The following MPPED2 variants were observed in gnomAD, a reference collection of about 807,000 sequenced individuals.
MPPED2 encodes metallophosphoesterase MPPED2.
MPPED2 carries 5 observed loss-of-function variants against 33.0 expected under a neutral mutation model. The ratio of observed to expected loss-of-function variants is 0.15; its 90% CI spans 0.08 to 0.32. The LOEUF is 0.32. Among genes scored for constraint, MPPED2 ranks in the 10% least tolerant of loss-of-function variants. The pLI is 1.00. For synonymous variants in MPPED2, 136 were observed against 141.9 expected (o/e 0.96, Z 0.29); for missense variants, 275 against 372.1 (o/e 0.74, Z 2.15).
intron 2 of MPPED2, among the ~76,000 whole-genome samples, chr11:30,553,878 G>A (rs748254194): frequency 4.6e-5 from 7 of 152,300 alleles, no homozygotes; most frequent in Non-Finnish European, 7.3e-5. Context: ...CTGCAAGGAG[G>A]AGGAAGCTGT....
At chr11:30,514,035 G>A (rs918075886) in intron 3 of MPPED2, among the ~76,000 whole-genome samples, 3 of 152,172 alleles carry the variant, frequency 2.0e-5, no homozygotes, top group African/African-American at 7.2e-5. Flanking sequence ...TCATTAAGCA[G>A]ATGCTATTGA....
chr11:30,496,205 CT>C (rs1952243740), intron 3 of MPPED2, among the ~76,000 whole-genome samples: 1 of 152,098 alleles, frequency 6.6e-6, no homozygotes, highest in Non-Finnish European at 1.5e-5. Context: ...TCAGTGTGTG[CT>C]TTTTATGCAA....
At position 30,552,061 on chromosome 11, in the gene MPPED2, C is replaced by T. The variant is rs143089912; in HGVS notation, c.129-15886G>A. Among the ~76,000 whole-genome samples the T allele has an allele frequency of 2.0e-5, 3 of 152,282 alleles. No homozygotes were observed. The East Asian group carries it at 5.8e-4, about 29-fold the overall frequency. On this transcript the variant is annotated intron_variant, in intron 2 of 6. Coordinates refer to ENST00000358117, the MANE Select transcript of MPPED2 (RefSeq NM_001584.3). ...CTCTCATAAACAGATAATAAAGCAT[C>T]CTACACCCTAACTGGGAAAAAAATC...
chr11:30,499,110 G>T (rs1199355790), intron 3 of MPPED2, among the ~76,000 whole-genome samples: 2 of 152,120 alleles, frequency 1.3e-5, no homozygotes, highest in South Asian at 2.1e-4. Flanking sequence ...ATTTGTCCAG[G>T]TTCCTCTCTA....
rs114103480 is a variant in MPPED2, at chr11:30,580,121, T to G, written c.128+125A>C. On this transcript the variant is annotated intron_variant, in intron 2 of 6. Transcript: ENST00000358117. Reference sequence around the variant, plus strand: ...TGAGCTGTATTTGAAACCACAGATATCCATCTGATTTGTAAATCATTTACC... The same window carrying G: ...TGAGCTGTATTTGAAACCACAGATAGCCATCTGATTTGTAAATCATTTACC... 1.2e-3 allele frequency: 1,065 copies of G among 917,558 alleles called. 7 individuals are homozygous for G. In the African/African-American group the frequency reaches 0.017, roughly 14 times the overall value. The allele number at this position is 917,558 out of a possible 1,614,324, so 56.8% of individuals were successfully genotyped here.
At chr11:30,508,829 C>G (rs1420343482) in intron 3 of MPPED2, among the ~76,000 whole-genome samples, 3 of 152,264 alleles carry the variant, frequency 2.0e-5, no homozygotes, top group Admixed American at 2.0e-4. Flanking sequence ...CTGAGCTTGC[C>G]AAGTGCTTGC....
chr11:30,510,094 T>G (rs1243191693), intron 3 of MPPED2, among the ~76,000 whole-genome samples: 2 of 152,180 alleles, frequency 1.3e-5, no homozygotes, highest in Non-Finnish European at 2.9e-5. Flanking sequence ...CCAAGACATA[T>G]AGTCACTCAT....
In MPPED2 at chr11:30,425,196, G is replaced by T. The variant is rs747212226; in HGVS notation, c.537-7563C>A. On this transcript the variant is annotated intron_variant, in intron 4 of 6. Transcript: ENST00000358117. ...TGAGCCCCATGAGCTACTCATGGGG[G>T]CTTCTTAAACCCAGGCAGCACACGT... Among the ~76,000 whole-genome samples the T allele has an allele frequency of 3.2e-4, 49 of 152,140 alleles. 1 individual carries two copies. Among genetic ancestry groups the T allele is most frequent in the Non-Finnish European group, 5.7e-4 (39 of 68,026 alleles).
intron 2 of MPPED2, among the ~76,000 whole-genome samples, chr11:30,548,272 G>A (rs1955532993): frequency 6.6e-6 from 1 of 151,706 alleles, no homozygotes; most frequent in African/African-American, 2.4e-5. Flanking sequence ...GGAGTGTAAA[G>A]GTGCGATCAT....
At chr11:30,449,644 A>G (rs1457054368) in intron 4 of MPPED2, among the ~76,000 whole-genome samples, 2 of 152,174 alleles carry the variant, frequency 1.3e-5, no homozygotes, top group Non-Finnish European at 2.9e-5. Context: ...TTGTTTCAAT[A>G]AAAAAAGAAA....
chr11:30,482,536 T>C (rs1398935024), intron 4 of MPPED2, among the ~76,000 whole-genome samples: 1 of 152,220 alleles, frequency 6.6e-6, no homozygotes, highest in African/African-American at 2.4e-5. Context: ...ATTTCTATTT[T>C]TGATGATTTT....
intron 2 of MPPED2, among the ~76,000 whole-genome samples, chr11:30,552,222 G>A (rs996311824): frequency 1.1e-4 from 17 of 152,264 alleles, no homozygotes; most frequent in African/African-American, 2.9e-4. Context: ...AATGTCCTGC[G>A]TTAATCTGGT....
intron 4 of MPPED2, among the ~76,000 whole-genome samples, chr11:30,420,195 GTCCCT>G (rs1948550594): frequency 6.6e-6 from 1 of 152,168 alleles, no homozygotes; most frequent in Non-Finnish European, 1.5e-5. Context: ...AACCCCAAGG[GTCCCT>G]AAAACTGGAA....
chr11:30,534,764 C>T (rs906953512), intron 3 of MPPED2, among the ~76,000 whole-genome samples: 14 of 152,150 alleles, frequency 9.2e-5, no homozygotes, highest in Admixed American at 2.0e-4. Context: ...AGAAACAAAA[C>T]GACATACACA....
intron 4 of MPPED2, among the ~76,000 whole-genome samples, chr11:30,466,419 T>C (rs1351780822): frequency 6.6e-6 from 1 of 152,184 alleles, no homozygotes; most frequent in African/African-American, 2.4e-5. Flanking sequence ...GCTGGAGTGA[T>C]GAAAGGAAGA....
rs1298155221 is a variant in MPPED2, at chr11:30,580,421, G to A, written c.-48C>T. On this transcript the variant is annotated 5_prime_UTR_variant, in exon 2 of 7. Coordinates refer to ENST00000358117, the MANE Select transcript of MPPED2 (RefSeq NM_001584.3). Reference sequence around the variant, plus strand: ...CAATTCACAACTTTACAGAGCAAAAGATGGAAGCAGGCATGGTGCGTTTCA... The same window carrying A: ...CAATTCACAACTTTACAGAGCAAAAAATGGAAGCAGGCATGGTGCGTTTCA... The A allele has an allele frequency of 1.9e-6, 3 of 1,606,798 alleles. No homozygotes were observed. Among genetic ancestry groups the A allele is most frequent in the East Asian group, 2.2e-5 (1 of 44,730 alleles).
chr11:30,581,680 T>A (rs181610748), intron 1 of MPPED2, among the ~76,000 whole-genome samples: 1 of 152,370 alleles, frequency 6.6e-6, no homozygotes, highest in Non-Finnish European at 1.5e-5. Context: ...GCAGATGGCC[T>A]GCCATAGGCC....
intron 2 of MPPED2, among the ~76,000 whole-genome samples, chr11:30,537,606 C>G (rs1200862493): frequency 6.6e-6 from 1 of 152,154 alleles, no homozygotes; most frequent in Admixed American, 6.6e-5. Context: ...AATGACTAAC[C>G]TTTTTATTTC....
intron 3 of MPPED2, among the ~76,000 whole-genome samples, chr11:30,535,713 C>T (rs1210028685): frequency 1.3e-5 from 2 of 152,062 alleles, no homozygotes; most frequent in Non-Finnish European, 2.9e-5. Flanking sequence ...CCAATGAATG[C>T]CCTCATTAAA....
Sources: gnomAD v4.1 joint callset for allele counts (sites outside exome capture counted in the v4.1 genomes callset) on GRCh38, gnomAD v4.1.1 for gene constraint, MANE v1.5 for transcripts, NCBI Gene and HGNC (gene_info 2026-07-23, HGNC 2026-07-21) for gene names.